TRIO: variants seen among roughly 807,000 people sequenced by gnomAD.
The protein encoded by TRIO is trio Rho guanine nucleotide exchange factor.
Under a neutral mutation model 351.9 loss-of-function variants are expected in TRIO, and 58 were observed. The observed-to-expected ratio is 0.16, with a 90% CI of 0.13 to 0.21. The LOEUF is 0.21. Among genes scored for constraint, TRIO ranks in the 10% least tolerant of loss-of-function variants. The pLI is 1.00. For synonymous variants in TRIO, 1,758 were observed against 1,595.7 expected, an observed-to-expected ratio of 1.10 and a Z score of -2.42; for missense variants, 3,201 against 4,027.8, an observed-to-expected ratio of 0.79 and a Z score of 5.56.
chr5:14,458,335 C>G (rs1428224690), intron 34 of TRIO, among the ~76,000 whole-genome samples: 1 of 152,174 alleles, frequency 6.6e-6, no homozygotes. Flanking sequence ...ACCTCAGGTC[C>G]CAGACAGATG....
intron 1 of TRIO, among the ~76,000 whole-genome samples, chr5:14,222,823 C>T (rs1443188917): frequency 6.6e-6 from 1 of 152,232 alleles, no homozygotes; most frequent in Non-Finnish European, 1.5e-5. Context: ...TTGGTGACTT[C>T]TAACATCGCA....
intron 19 of TRIO, among the ~76,000 whole-genome samples, chr5:14,376,436 A>C (rs1445481943): frequency 6.6e-6 from 1 of 152,230 alleles, no homozygotes. Context: ...CTGTGCATGT[A>C]AATGTAAATA....
intron 9 of TRIO, among the ~76,000 whole-genome samples, chr5:14,323,938 T>TC (rs139646770): frequency 0.033 from 4,960 of 152,340 alleles, 99 homozygotes; most frequent in Middle Eastern, 0.068. Flanking sequence ...GTGAAAGTCT[T>TC]CCTTTATGGC....
intron 23 of TRIO, 172 bp downstream of exon 23, chr5:14,388,019 A>G: frequency 3.3e-6 from 2 of 609,672 alleles, no homozygotes; most frequent in Non-Finnish European, 5.8e-6. Context: ...CTGTCCTCTT[A>G]TCACCTGGTT....
chr5:14,429,735 G>A (rs1350236824), intron 34 of TRIO, among the ~76,000 whole-genome samples: 1 of 152,172 alleles, frequency 6.6e-6, no homozygotes, highest in Non-Finnish European at 1.5e-5. Context: ...GAGAAGTCTT[G>A]TTCCCACAAC....
chr5:14,187,982 A>T (rs1448262378), intron 1 of TRIO, among the ~76,000 whole-genome samples: 1 of 152,192 alleles, frequency 6.6e-6, no homozygotes, highest in South Asian at 2.1e-4. Context: ...AAATGTGCTG[A>T]TGGGAAACCC....
At chr5:14,360,219 T>C (rs1744024128) in intron 13 of TRIO, among the ~76,000 whole-genome samples, 1 of 152,220 alleles carries the variant, frequency 6.6e-6, no homozygotes, top group Non-Finnish European at 1.5e-5. Flanking sequence ...TTGCATCTTA[T>C]ATGTGAACAG....
intron 1 of TRIO, among the ~76,000 whole-genome samples, chr5:14,251,613 T>C (rs1235307525): frequency 6.6e-6 from 1 of 152,198 alleles, no homozygotes; most frequent in East Asian, 1.9e-4. Flanking sequence ...TTTCTCCCTC[T>C]GGACAGCATA....
At chr5:14,430,365 T>A (rs1013240772) in intron 34 of TRIO, among the ~76,000 whole-genome samples, 1 of 152,172 alleles carries the variant, frequency 6.6e-6, no homozygotes, top group African/African-American at 2.4e-5. Flanking sequence ...TGCAATGAAA[T>A]ATTTATGTAA....
intron 34 of TRIO, among the ~76,000 whole-genome samples, chr5:14,453,572 G>C (rs566667423): frequency 2.6e-5 from 4 of 152,258 alleles, no homozygotes; most frequent in Admixed American, 2.0e-4. Context: ...AAGTTTGTTT[G>C]TTCCCATTAT....
intron 37 of TRIO, chr5:14,465,894 T>G (rs1754219447): frequency 2.1e-6 from 1 of 470,470 alleles, no homozygotes; most frequent in Middle Eastern, 3.0e-4. Flanking sequence ...AGGGAAGAAC[T>G]GCATAGGGCA....
intron 1 of TRIO, among the ~76,000 whole-genome samples, chr5:14,201,821 G>C (rs932916646): frequency 5.3e-5 from 8 of 151,978 alleles, no homozygotes; most frequent in African/African-American, 1.9e-4. Context: ...CCAAGAAATA[G>C]GTGGACCTGA....
chr5:14,507,065 C>T, intron 55 of TRIO, 57 bp from the exon 56 acceptor site: 2 of 1,519,380 alleles, frequency 1.3e-6, no homozygotes, highest in South Asian at 2.7e-5. Context: ...CTTACTAGCC[C>T]AAAGAGGTCT....
intron 7 of TRIO, among the ~76,000 whole-genome samples, chr5:14,297,684 C>T (rs1027682399): frequency 5.3e-5 from 8 of 152,190 alleles, no homozygotes; most frequent in African/African-American, 1.4e-4. Context: ...TAGCAAGGAA[C>T]GGAACGCCCA....
Position 14,340,924 on chromosome 5 carries a change from A to C in TRIO, c.2046+4197A>C, listed in dbSNP as rs149192434. Among the ~76,000 whole-genome samples the C allele has an allele frequency of 7.1e-4, 108 of 152,330 alleles. 2 individuals carry two copies. The highest frequency in any genetic ancestry group is 6.8e-3 in the Middle Eastern group (2 of 294). On this transcript the variant is annotated intron_variant, in intron 11 of 56. Transcript: ENST00000344204. ...AGAAATTTCAGCCCATTTGCCCCTC[A>C]AGCCCAGATTTGGAAGTATTCCAAG... is the stretch of plus-strand genomic sequence containing the variant.
intron 3 of TRIO, among the ~76,000 whole-genome samples, chr5:14,282,972 G>A (rs1212134296): frequency 6.6e-6 from 1 of 152,180 alleles, no homozygotes; most frequent in East Asian, 1.9e-4. Context: ...ATTGAAAGAA[G>A]TGGCCACAAA....
At chr5:14,315,057 C>T (rs1316019959) in intron 8 of TRIO, among the ~76,000 whole-genome samples, 2 of 152,122 alleles carry the variant, frequency 1.3e-5, no homozygotes, top group African/African-American at 2.4e-5. Flanking sequence ...TACAATCTGG[C>T]ACAACTGCAG....
intron 1 of TRIO, among the ~76,000 whole-genome samples, chr5:14,248,965 G>T (rs1345082346): frequency 6.6e-6 from 1 of 152,176 alleles, no homozygotes; most frequent in African/African-American, 2.4e-5. Context: ...CCTCAAAAAA[G>T]ATTTGCTGAG....
chr5:14,368,916 C>T lies in TRIO; in HGVS notation c.3066+17C>T. On this transcript the variant is annotated intron_variant, in intron 17 of 56. Coordinates refer to ENST00000344204, the MANE Select transcript of TRIO (RefSeq NM_007118.4). ...TCAGAGCAGGTCAGGGGAGAGGTTC[C>T]CTTCCTTGAACTCCACTGATACTTT... The T allele has an allele frequency of 6.2e-7, 1 of 1,607,204 alleles. No individual in the cohort carries two copies. Among genetic ancestry groups the T allele is most frequent in the Non-Finnish European group, 8.5e-7 (1 of 1,174,848 alleles).
Sources: gnomAD v4.1 joint callset for allele counts (sites outside exome capture counted in the v4.1 genomes callset) on GRCh38, gnomAD v4.1.1 for gene constraint, MANE v1.5 for transcripts, NCBI Gene and HGNC (gene_info 2026-07-23, HGNC 2026-07-21) for gene names.